Variants in CRYBG1 observed in about 807,000 individuals in gnomAD.
The protein encoded by CRYBG1 is crystallin beta-gamma domain containing 1, also known as beta/gamma crystallin domain-containing protein 1.
CRYBG1 carries 139 observed loss-of-function variants against 189.2 expected under a neutral mutation model. That is an observed-to-expected ratio of 0.73 (90% CI 0.64 to 0.85). The LOEUF (loss-of-function observed/expected upper bound fraction) is 0.85. CRYBG1 is among the 40% of genes least tolerant of loss of function. The probability of loss-of-function intolerance (pLI) is 0.00; values close to 1 mark genes in which losing one functional copy is unlikely to be tolerated. For missense variants in CRYBG1, 2,611 were observed against 2,675.8 expected, an observed-to-expected ratio of 0.98 and a Z score of 0.53; for synonymous variants, 1,023 against 1,017.1, an observed-to-expected ratio of 1.01 and a Z score of -0.11.
chr6:106,550,219 A>C (rs1372932038), intron 13 of CRYBG1, among the ~76,000 whole-genome samples: 1 of 152,190 alleles, frequency 6.6e-6, no homozygotes, highest in Non-Finnish European at 1.5e-5. Context: ...ACTGTGTCTT[A>C]GGTTTTTCCC....
At chr6:106,487,696 C>A (rs1772622902) in intron 2 of CRYBG1, among the ~76,000 whole-genome samples, 1 of 152,138 alleles carries the variant, frequency 6.6e-6, no homozygotes, top group African/African-American at 2.4e-5. Context: ...TTGAATTTCT[C>A]ATACAGATTA....
At chr6:106,541,326 T>TA (rs764040243) in intron 9 of CRYBG1, 1 of 622,890 alleles carries the variant, frequency 1.6e-6, no homozygotes. Flanking sequence ...TTTTCCAAGT[T>TA]AAAAAAACTT....
intron 2 of CRYBG1, among the ~76,000 whole-genome samples, chr6:106,496,298 C>T (rs6919039): frequency 0.11 from 17,473 of 152,170 alleles, 1,034 homozygotes; most frequent in African/African-American, 0.12. Context: ...TATAAAGCCC[C>T]GATTAAATGT....
intron 2 of CRYBG1, among the ~76,000 whole-genome samples, chr6:106,492,064 G>C (rs1002263564): frequency 6.6e-6 from 1 of 152,042 alleles, no homozygotes; most frequent in African/African-American, 2.4e-5. Context: ...GGCTAGTACT[G>C]TGTTCTTCCT....
chr6:106,444,138 C>A (rs1771617362), intron 1 of CRYBG1, among the ~76,000 whole-genome samples: 1 of 152,124 alleles, frequency 6.6e-6, no homozygotes, highest in Non-Finnish European at 1.5e-5. Flanking sequence ...TTAGTAAGAT[C>A]ATTAGTCTTT....
Position 106,520,949 on chromosome 6 carries a change from A to G in CRYBG1, c.3741A>G (p.Leu1247=), listed in dbSNP as rs761344006. ...LEKSALFSSL[L]SSLPQDKIFS... ...AAAGTGCACTTTTCTCAAGCTTGTT[A>G]TCTTCTTTACCACAAGACAAAATCT... Residue 1247 remains leucine (L), a synonymous_variant, in exon 4 of 22, where the codon TTA becomes TTG. Coordinates refer to ENST00000633556, the MANE Select transcript of CRYBG1 (RefSeq NM_001371242.2). 16 of 1,614,092 alleles carry G rather than the reference A, an allele frequency of 9.9e-6. No individual in the cohort carries two copies. Among genetic ancestry groups the G allele is most frequent in the African/African-American group, 2.7e-5 (2 of 74,938 alleles).
intron 1 of CRYBG1, among the ~76,000 whole-genome samples, chr6:106,396,411 A>G (rs1344940261): frequency 6.6e-6 from 1 of 152,214 alleles, no homozygotes; most frequent in African/African-American, 2.4e-5. Flanking sequence ...ATCTATATGT[A>G]TGACTTCACC....
intron 8 of CRYBG1, 36 bp downstream of exon 8, chr6:106,530,351 T>A (rs781732523): frequency 1.1e-5 from 17 of 1,586,048 alleles, no homozygotes; most frequent in Non-Finnish European, 1.5e-5. Flanking sequence ...TTTAATGAAG[T>A]TTTTTTGTGA....
chr6:106,444,277 C>A (rs144898364), intron 1 of CRYBG1, among the ~76,000 whole-genome samples: 103 of 152,200 alleles, frequency 6.8e-4, no homozygotes, highest in African/African-American at 2.3e-3. Flanking sequence ...TGTATTTCGA[C>A]AACTGAAAAC....
At chr6:106,515,177 A>G (rs1773388649) in intron 3 of CRYBG1, among the ~76,000 whole-genome samples, 2 of 152,250 alleles carry the variant, frequency 1.3e-5, no homozygotes, top group African/African-American at 4.8e-5. Flanking sequence ...AAAATGGTAT[A>G]TGTAGAATAA....
chr6:106,496,938 GTC>G (rs1349115718), intron 2 of CRYBG1, among the ~76,000 whole-genome samples: 2 of 152,322 alleles, frequency 1.3e-5, no homozygotes, highest in African/African-American at 4.8e-5. Flanking sequence ...GCACAGGCTT[GTC>G]CACCCCAAGC....
At chr6:106,538,804 T>C (rs1018972051) in intron 8 of CRYBG1, among the ~76,000 whole-genome samples, 1 of 150,754 alleles carries the variant, frequency 6.6e-6, no homozygotes, top group African/African-American at 2.4e-5. Flanking sequence ...GCTGAGGCAG[T>C]AGAATCACTT....
intron 2 of CRYBG1, among the ~76,000 whole-genome samples, chr6:106,473,335 C>T (rs932706329): frequency 1.3e-5 from 2 of 152,196 alleles, no homozygotes; most frequent in African/African-American, 4.8e-5. Context: ...ACTCTTTCAT[C>T]CCACATCACT....
rs1774643946 is a variant in CRYBG1 at position 106,559,373 on chromosome 6, A to G, written c.5855+748A>G. On this transcript the variant is annotated intron_variant, in intron 18 of 21. Transcript: ENST00000633556. ...TTTGAATAAGATATAAAAATGAATG[A>G]GTACCATCAATGTAATACATGTTTT... 2.6e-5 allele frequency among the ~76,000 whole-genome samples: 4 copies of G among 152,274 alleles called. No individual in the cohort carries two copies. In the South Asian group the frequency reaches 8.3e-4, roughly 31 times the overall value.
intron 2 of CRYBG1, among the ~76,000 whole-genome samples, chr6:106,487,188 C>T (rs1023338169): frequency 6.6e-6 from 1 of 152,174 alleles, no homozygotes; most frequent in Admixed American, 6.5e-5. Context: ...TACAAATACT[C>T]TAGGCTCCTC....
At chr6:106,522,062 T>A (rs150134214) in intron 4 of CRYBG1, among the ~76,000 whole-genome samples, 2 of 152,132 alleles carry the variant, frequency 1.3e-5, no homozygotes, top group South Asian at 4.1e-4. Flanking sequence ...CACATGTGAA[T>A]TTATATGTTG....
intron 1 of CRYBG1, among the ~76,000 whole-genome samples, chr6:106,387,702 T>C (rs1770419416): frequency 6.6e-6 from 1 of 152,152 alleles, no homozygotes; most frequent in South Asian, 2.1e-4. Flanking sequence ...TAGGAAATTT[T>C]GTTGTGGGGA....
At chr6:106,479,033 C>T (rs937395158) in intron 2 of CRYBG1, among the ~76,000 whole-genome samples, 1 of 152,174 alleles carries the variant, frequency 6.6e-6, no homozygotes, top group South Asian at 2.1e-4. Context: ...ATAACATTTT[C>T]AAGGTTCTTC....
At chr6:106,474,241 G>A (rs1408358265) in intron 2 of CRYBG1, among the ~76,000 whole-genome samples, 1 of 152,176 alleles carries the variant, frequency 6.6e-6, no homozygotes, top group African/African-American at 2.4e-5. Context: ...CTATTCAGGA[G>A]GCTGAGATGG....
Sources: gnomAD v4.1 joint callset for allele counts (sites outside exome capture counted in the v4.1 genomes callset) on GRCh38, gnomAD v4.1.1 for gene constraint, MANE v1.5 for transcripts, NCBI Gene and HGNC (gene_info 2026-07-23, HGNC 2026-07-21) for gene names.